Variants in NKAP observed in about 807,000 individuals in gnomAD.
NKAP encodes the protein NF-kappa-B-activating protein.
Under a neutral mutation model 35.6 loss-of-function variants are expected in NKAP, and 4 were observed. That is an observed-to-expected ratio of 0.11 (90% CI 0.06 to 0.26). The LOEUF is 0.26. NKAP is among the 10% of genes least tolerant of loss of function. NKAP has a pLI of 1.00. For synonymous variants in NKAP, 106 were observed against 119.2 expected, an observed-to-expected ratio of 0.89 and a Z score of 0.72; for missense variants, 238 against 321.9, an observed-to-expected ratio of 0.74 and a Z score of 1.99.
In NKAP at chrX:119,930,009, A is replaced by G. The variant is rs769955570; in HGVS notation, c.1073+7T>C. The stretch of plus-strand genomic sequence containing the variant: ...CATGGAAACTGAGCTTAATGCCAAC[A>G]ACATACCTGCTACCACTCATTACAT... On this transcript the variant is annotated splice_region_variant and intron_variant, in intron 8 of 8. Transcript: ENST00000371410. 110 of 1,184,221 alleles carry G rather than the reference A, an allele frequency of 9.3e-5. 2 individuals are homozygous for G. In the South Asian group the frequency reaches 1.9e-3, roughly 20 times the overall value.
In NKAP at chrX:119,921,443, C is replaced by CT. The variant is rs1259729458; in HGVS notation, c.*3776dup. On this transcript the variant is annotated 3_prime_UTR_variant, in exon 9 of 9. Transcript: ENST00000371410. ...CAATTGATATGGTACTGAAATTTTTCTTTTTTAACTGTTAGATATTTGTGC... is the reference window on the plus strand; with the variant it reads ...CAATTGATATGGTACTGAAATTTTTCTTTTTTTAACTGTTAGATATTTGTGC... The CT allele has an allele frequency of 9.2e-6, 1 of 108,261 alleles. No homozygotes were observed. Among genetic ancestry groups the CT allele is most frequent in the Non-Finnish European group, 1.9e-5 (1 of 52,369 alleles). 8.9% of individuals were successfully genotyped at this position (108,261 alleles called of 1,213,427 possible).
chrX:119,935,288 C>A (rs998640059), intron 4 of NKAP, among the ~76,000 whole-genome samples: 5 of 111,412 alleles, frequency 4.5e-5, no homozygotes, highest in African/African-American at 1.6e-4. Context: ...AATGAGTAAA[C>A]CAAGCTGGAT....
rs1230595227 is a variant in NKAP at position 119,923,522 on chromosome X, C to T, written c.*1698G>A. The T allele has an allele frequency of 8.9e-6, 1 of 112,417 alleles. No homozygotes were observed. The highest frequency in any genetic ancestry group is 3.2e-5 in the African/African-American group (1 of 31,048). The allele number at this position is 112,417 out of a possible 1,213,427, so 9.3% of individuals were successfully genotyped here. A position where few individuals can be genotyped will look rare whatever the true frequency, so the allele number is the denominator to read the frequency against. On this transcript the variant is annotated 3_prime_UTR_variant, in exon 9 of 9. Transcript: ENST00000371410. ...TATTTTTCCTTATCAAAACTCTTGA[C>T]CATAGTTGACTCCTATTCTTTTGGA... is the stretch of plus-strand genomic sequence containing the variant.
intron 1 of NKAP, among the ~76,000 whole-genome samples, chrX:119,940,102 G>A (rs889197225): frequency 9.2e-4 from 101 of 110,198 alleles, no homozygotes; most frequent in African/African-American, 3.2e-3. Flanking sequence ...TTGGGAGGCC[G>A]AGGCAGGTGG....
chrX:119,942,273 T>A (rs2056797226), intron 1 of NKAP, among the ~76,000 whole-genome samples: 1 of 110,277 alleles, frequency 9.1e-6, no homozygotes, highest in African/African-American at 3.3e-5. Flanking sequence ...AGAAATTCGA[T>A]ACCAGCCTGG....
chrX:119,943,157 T>C (rs1424997227), intron 1 of NKAP, 63 bp downstream of exon 1: 12 of 1,123,310 alleles, frequency 1.1e-5, no homozygotes, highest in Non-Finnish European at 1.4e-5. Flanking sequence ...GCGGAATGAA[T>C]GATAGATCGG....
rs1476598968 is a variant in NKAP, at chrX:119,920,726, A to AT, written c.*4493dup. On this transcript the variant is annotated 3_prime_UTR_variant, in exon 9 of 9. Coordinates refer to ENST00000371410, the MANE Select transcript of NKAP (RefSeq NM_024528.4). ...AACTTGTGGCACACAATCCAGCTGTATTTTTTTGCATTCATTCATTTTCCA... is the reference window on the plus strand; with the variant it reads ...AACTTGTGGCACACAATCCAGCTGTATTTTTTTTGCATTCATTCATTTTCCA... The AT allele has an allele frequency of 4.4e-5, 22 of 494,648 alleles. No homozygotes were observed. The highest frequency in any genetic ancestry group is 7.1e-5 in the African/African-American group (3 of 42,380). The allele number at this position is 494,648 out of a possible 1,213,427, so 40.8% of individuals were successfully genotyped here. A position where few individuals can be genotyped will look rare whatever the true frequency, so the allele number is the denominator to read the frequency against.
In NKAP at chrX:119,936,412, A is replaced by G; in HGVS notation, c.558T>C (p.Ser186=). Residue 186 remains serine, a synonymous_variant, in exon 4 of 9, where the codon TCT becomes TCC. Coordinates refer to ENST00000371410, the MANE Select transcript of NKAP (RefSeq NM_024528.4). ...STSEEEKKKK[S]SRSKERSKKR... ...TCTTGGACCTTTCTTTTGAACGGCT[A>G]GACTTCTTCTTTTTTTCTTCTAAGA... is the stretch of plus-strand genomic sequence containing the variant. The G allele has an allele frequency of 8.6e-7, 1 of 1,156,561 alleles. No individual in the cohort carries two copies. Among genetic ancestry groups the G allele is most frequent in the Non-Finnish European group, 1.2e-6 (1 of 866,129 alleles).
chrX:119,938,472 ATTT>A (rs2056777354), intron 2 of NKAP, among the ~76,000 whole-genome samples: 1 of 112,151 alleles, frequency 8.9e-6, no homozygotes, highest in African/African-American at 3.2e-5. Flanking sequence ...AATGTGTATT[ATTT>A]AACAATGAAC....
chrX:119,934,430 CAAAAAAAAAAA>C lies in NKAP; in HGVS notation c.737+53_737+63del, dbSNP rs369386190. 8.9e-4 allele frequency: 168 copies of C among 188,847 alleles called. 1 individual carries two copies. The highest frequency in any genetic ancestry group is 1.1e-3 in the Non-Finnish European group (154 of 144,892). The allele number at this position is 188,847 out of a possible 1,213,427, so 15.6% of individuals were successfully genotyped here. A position where few individuals can be genotyped will look rare whatever the true frequency, so the allele number is the denominator to read the frequency against. Reference sequence around the variant, plus strand: ...TGCCTGACAGAGTGAGACTCTGTCTCAAAAAAAAAAAAAAAAAAAAAAAAAGAAAAGAAATT... The same window carrying C: ...TGCCTGACAGAGTGAGACTCTGTCTCAAAAAAAAAAAAAAGAAAAGAAATT... On this transcript the variant is annotated intron_variant, in intron 5 of 8. Coordinates refer to ENST00000371410, the MANE Select transcript of NKAP (RefSeq NM_024528.4).
intron 8 of NKAP, among the ~76,000 whole-genome samples, chrX:119,928,379 TTTC>T (rs1460586870): frequency 1.8e-5 from 2 of 112,142 alleles, no homozygotes; most frequent in African/African-American, 6.5e-5. Context: ...TTACAAATGT[TTTC>T]TTCTTATTTA....
intron 2 of NKAP, chrX:119,938,214 C>T (rs1327125912): frequency 9.0e-6 from 1 of 111,120 alleles, no homozygotes; most frequent in African/African-American, 3.3e-5. Context: ...ACCGCCGTCT[C>T]TACTAAAAAT....
rs1603380490 is a variant in NKAP, at chrX:119,936,663, C to T, written c.487G>A (p.Val163Met). The change falls in exon 3 of 9, where the codon GTG becomes ATG. Residue 163 changes from valine (V) to methionine (M), a missense_variant. This residue lies in a region of NKAP where 89 missense variants were observed against 91.7 expected (regional missense o/e 0.97). Coordinates refer to ENST00000371410, the MANE Select transcript of NKAP (RefSeq NM_024528.4). Reference sequence around the variant, plus strand: ...CTTTTCTTTGGCTCTTCATCCTCCACTGGTGTATGTTCATCAGAACTGAAT... The same window carrying T: ...CTTTTCTTTGGCTCTTCATCCTCCATTGGTGTATGTTCATCAGAACTGAAT... ...PEPDSDEHTP[V>M]EDEEPKKSTT... 8.5e-7 allele frequency: 1 copy of T among 1,181,031 alleles called. No homozygotes were observed. Among genetic ancestry groups the T allele is most frequent in the East Asian group, 3.0e-5 (1 of 33,203 alleles).
intron 2 of NKAP, chrX:119,937,241 T>C (rs765426846): frequency 8.9e-6 from 1 of 112,156 alleles, no homozygotes; most frequent in African/African-American, 3.2e-5. Context: ...TCTACAATAG[T>C]TTAGAAAAGG....
At chrX:119,927,061 C>CAAAA (rs757523569) in intron 8 of NKAP, among the ~76,000 whole-genome samples, 7,853 of 33,162 alleles carry the variant, frequency 0.24, 876 homozygotes, top group Non-Finnish European at 0.32. Flanking sequence ...AACTAGGTCT[C>CAAAA]AAAAAAAAAA....
intron 4 of NKAP, among the ~76,000 whole-genome samples, chrX:119,934,889 T>C (rs948759802): frequency 1.8e-5 from 2 of 111,607 alleles, no homozygotes; most frequent in African/African-American, 6.5e-5. Flanking sequence ...ACTTTGACTA[T>C]CTCAGTGAAA....
chrX:119,925,951 T>A (rs2056710831), intron 8 of NKAP, among the ~76,000 whole-genome samples: 1 of 77,161 alleles, frequency 1.3e-5, no homozygotes, highest in Non-Finnish European at 2.5e-5. Flanking sequence ...TTTTTAATTT[T>A]TTTTTTTTTT....
intron 1 of NKAP, among the ~76,000 whole-genome samples, chrX:119,939,415 T>A (rs1435551517): frequency 9.0e-6 from 1 of 110,636 alleles, no homozygotes; most frequent in East Asian, 2.9e-4. Context: ...GCCTCCTTAG[T>A]AGCCGGGATT....
At position 119,932,957 on chromosome X, in the gene NKAP, T is replaced by G. The variant is rs1418625840; in HGVS notation, c.738-741A>C. 3.8e-5 allele frequency among the ~76,000 whole-genome samples: 4 copies of G among 105,694 alleles called. No individual in the cohort carries two copies. In the East Asian group the frequency reaches 1.2e-3, roughly 30 times the overall value. The allele number at this position is 105,694 out of a possible 115,157, so 91.8% of individuals were successfully genotyped here. A position where few individuals can be genotyped will look rare whatever the true frequency, so the allele number is the denominator to read the frequency against. On this transcript the variant is annotated intron_variant, in intron 5 of 8. Transcript: ENST00000371410. Reference sequence around the variant, plus strand: ...GTGATCGTGCCACTGCATTCCAGCCTGGGTGACAGGGTGAGACACGGTCTC... The same window carrying G: ...GTGATCGTGCCACTGCATTCCAGCCGGGGTGACAGGGTGAGACACGGTCTC...
Sources: allele counts gnomAD v4.1 joint callset (sites outside exome capture counted in the v4.1 genomes callset), GRCh38; gene constraint gnomAD v4.1.1; regional missense constraint gnomAD v4.1.1; transcripts MANE v1.5; gene names NCBI Gene and HGNC (gene_info 2026-07-23, HGNC 2026-07-21).